The following TRAPPC8 variants were observed in gnomAD, a reference collection of about 807,000 sequenced individuals.
TRAPPC8 encodes the protein general sporulation gene 1 homolog.
In TRAPPC8, 54 loss-of-function variants were observed where a neutral mutation model predicts 174.3. That is an observed-to-expected ratio of 0.31 (90% confidence interval 0.25 to 0.39). The LOEUF (loss-of-function observed/expected upper bound fraction) is 0.39. Ranked by LOEUF, TRAPPC8 falls within the 10% of genes least tolerant of loss-of-function variation. The pLI, the probability that TRAPPC8 is intolerant of heterozygous loss-of-function variation, is 1.00. For synonymous variants in TRAPPC8, 630 were observed against 579.9 expected, an observed-to-expected ratio of 1.09 and a Z score of -1.24; for missense variants, 1,531 against 1,699.1, an observed-to-expected ratio of 0.90 and a Z score of 1.74.
intron 8 of TRAPPC8, among the ~76,000 whole-genome samples, chr18:31,907,993 T>G (rs2036736951): frequency 6.6e-6 from 1 of 152,234 alleles, no homozygotes; most frequent in African/African-American, 2.4e-5. Flanking sequence ...ATGTGTCCCT[T>G]GTCTTAGAAT....
chr18:31,938,799 T>C (rs918576382), intron 1 of TRAPPC8, among the ~76,000 whole-genome samples: 6 of 152,166 alleles, frequency 3.9e-5, no homozygotes, highest in African/African-American at 1.4e-4. Flanking sequence ...AGAAAAGCTG[T>C]TGCCTAGCTC....
intron 19 of TRAPPC8, 70 bp downstream of exon 19, chr18:31,864,557 A>C (rs1449724573): frequency 2.0e-6 from 3 of 1,498,046 alleles, no homozygotes; most frequent in Non-Finnish European, 2.7e-6. Flanking sequence ...TCAGAGCCTA[A>C]AATTAATTTA....
intron 19 of TRAPPC8, among the ~76,000 whole-genome samples, chr18:31,862,998 G>A (rs1477008660): frequency 6.8e-6 from 1 of 147,508 alleles, no homozygotes; most frequent in East Asian, 2.0e-4. Flanking sequence ...GTTGCAGTGA[G>A]CCGAGATCCT....
rs957380759 is a variant in TRAPPC8, at chr18:31,925,595, A to T, written c.352+5734T>A. Among the ~76,000 whole-genome samples, 3 of 152,348 alleles carry T rather than the reference A, an allele frequency of 2.0e-5. No individual in the cohort carries two copies. The South Asian group carries it at 6.2e-4, about 32-fold the overall frequency. On this transcript the variant is annotated intron_variant, in intron 2 of 28. Transcript: ENST00000283351. ...CAATAAGGGAGAAATTAACAAAGAA[A>T]GAATACAAGACAGTTTCTCAGGGCT...
At chr18:31,916,777 G>A (rs922849065) in intron 3 of TRAPPC8, among the ~76,000 whole-genome samples, 32 of 141,430 alleles carry the variant, frequency 2.3e-4, no homozygotes, top group Non-Finnish European at 4.2e-4. Context: ...CAGGTAACCC[G>A]CCCGCCTCAG....
Position 31,916,377 on chromosome 18 carries a change from T to C in TRAPPC8, c.512A>G (p.His171Arg). 1 of 1,614,040 alleles carries C rather than the reference T, an allele frequency of 6.2e-7. No homozygotes were observed. The highest frequency in any genetic ancestry group is 8.5e-7 in the Non-Finnish European group (1 of 1,179,968). ...ATAATCACTGTTGTGCTGAATTCGATGCTGTTCTTGTGACAACTTTGAAAA... is the reference window on the plus strand; with the variant it reads ...ATAATCACTGTTGTGCTGAATTCGACGCTGTTCTTGTGACAACTTTGAAAA... The part of the protein sequence containing the change: ...EQFSKLSQEQ[H>R]RIQHNSDYSY... Residue 171 changes from histidine (H) to arginine (R), a missense_variant, in exon 4 of 29, where the codon CAT becomes CGT. Physicochemically the swap from His to Arg is conservative, Grantham distance 29 (BLOSUM62 0). Transcript: ENST00000283351.
chr18:31,832,818 A>T (rs2032454368), intron 27 of TRAPPC8, among the ~76,000 whole-genome samples: 1 of 152,212 alleles, frequency 6.6e-6, no homozygotes, highest in African/African-American at 2.4e-5. Flanking sequence ...CAAGAAATGA[A>T]TATAACATGT....
rs746782756 is a variant in TRAPPC8 at position 31,942,726 on chromosome 18, C to A, written c.39G>T (p.Pro13=). The A allele has an allele frequency of 3.1e-6, 5 of 1,604,868 alleles. No individual in the cohort carries two copies. The change falls in exon 1 of 29, where the codon CCG becomes CCT. Residue 13 remains proline, a synonymous_variant. Transcript: ENST00000283351. ...CAGCGACACAGGGGACGAAGGAGTCCGGGATTAGCTCCTGCACTGATTGTA... is the reference window on the plus strand; with the variant it reads ...CAGCGACACAGGGGACGAAGGAGTCAGGGATTAGCTCCTGCACTGATTGTA... ...QCVQSVQELI[P]DSFVPCVAAL...
At chr18:31,909,848 T>A in intron 5 of TRAPPC8, 88 bp from the exon 6 acceptor site, 1 of 867,264 alleles carries the variant, frequency 1.2e-6, no homozygotes, top group Non-Finnish European at 1.7e-6. Context: ...ATGGTTACTC[T>A]GCTAACTGTT....
chr18:31,915,420 G>A (rs2037089289), intron 4 of TRAPPC8, among the ~76,000 whole-genome samples: 1 of 132,712 alleles, frequency 7.5e-6, no homozygotes, highest in Non-Finnish European at 1.6e-5. Context: ...CCAAGATCGT[G>A]CCACTGCACT....
intron 1 of TRAPPC8, among the ~76,000 whole-genome samples, chr18:31,940,466 CA>C (rs2038283776): frequency 6.6e-6 from 1 of 151,700 alleles, no homozygotes; most frequent in African/African-American, 2.4e-5. Context: ...ACTCCATCTC[CA>C]AAAAACAAAA....
At chr18:31,929,818 G>A (rs2037775532) in intron 2 of TRAPPC8, among the ~76,000 whole-genome samples, 1 of 152,142 alleles carries the variant, frequency 6.6e-6, no homozygotes, top group Non-Finnish European at 1.5e-5. Context: ...AAAAATAACA[G>A]TTCAAATTCT....
At chr18:31,928,601 T>A (rs2145612201) in intron 2 of TRAPPC8, among the ~76,000 whole-genome samples, 1 of 152,222 alleles carries the variant, frequency 6.6e-6, no homozygotes, top group Middle Eastern at 3.4e-3. Flanking sequence ...TGATAGGTAA[T>A]CCCTCTCTGT....
chr18:31,874,729 G>T, intron 12 of TRAPPC8, 25 bp from the exon 13 acceptor site: 3 of 1,588,702 alleles, frequency 1.9e-6, no homozygotes, highest in Non-Finnish European at 2.6e-6. Context: ...ACAAAATAAT[G>T]TATTATACTC....
intron 9 of TRAPPC8, among the ~76,000 whole-genome samples, chr18:31,904,820 A>G (rs1356892443): frequency 6.6e-6 from 1 of 152,180 alleles, no homozygotes; most frequent in African/African-American, 2.4e-5. Flanking sequence ...CCTTGAGGTC[A>G]GGAGCTCGAG....
chr18:31,940,175 AC>A (rs1376070373), intron 1 of TRAPPC8, among the ~76,000 whole-genome samples: 3 of 152,364 alleles, frequency 2.0e-5, no homozygotes, highest in Admixed American at 2.0e-4. Context: ...TAAATAAAAT[AC>A]AGTATTAAAA....
At chr18:31,941,143 G>T (rs1295391207) in intron 1 of TRAPPC8, among the ~76,000 whole-genome samples, 1 of 152,040 alleles carries the variant, frequency 6.6e-6, no homozygotes, top group Non-Finnish European at 1.5e-5. Context: ...AAGTGTTTGT[G>T]TTTTTTTAGG....
chr18:31,863,327 T>C (rs2034427374), intron 19 of TRAPPC8, among the ~76,000 whole-genome samples: 1 of 152,186 alleles, frequency 6.6e-6, no homozygotes, highest in African/African-American at 2.4e-5. Flanking sequence ...TTGCGAAATT[T>C]AAAATTTATA....
chr18:31,877,440 G>A lies in TRAPPC8; in HGVS notation c.1729-2736C>T, dbSNP rs143730416. On this transcript the variant is annotated intron_variant, in intron 12 of 28. Transcript: ENST00000283351. ...ATCCTGGCTAACACGGTGAAACCCC[G>A]TCTCTACTAAAAATACAAAACATTA... Among the ~76,000 whole-genome samples the A allele has an allele frequency of 4.8e-4, 73 of 151,762 alleles. 1 individual carries two copies. The South Asian group carries it at 6.7e-3, about 14-fold the overall frequency.
Sources: gnomAD v4.1 joint callset for allele counts (sites outside exome capture counted in the v4.1 genomes callset) on GRCh38, gnomAD v4.1.1 for gene constraint, MANE v1.5 for transcripts, NCBI Gene and HGNC (gene_info 2026-07-23, HGNC 2026-07-21) for gene names.